Variants in SCAMP5 observed in about 807,000 individuals in gnomAD.
SCAMP5 encodes the protein secretory carrier membrane protein 5.
A neutral mutation model predicts 28.3 loss-of-function variants in SCAMP5; 7 were observed. The observed-to-expected ratio is 0.25, with a 90% confidence interval of 0.14 to 0.46. The LOEUF (loss-of-function observed/expected upper bound fraction) is 0.46, where lower values mean the gene tolerates loss of function less well. Among genes scored for constraint, SCAMP5 ranks in the 20% least tolerant of loss-of-function variants. The pLI, the probability that SCAMP5 is intolerant of heterozygous loss-of-function variation, is 0.99. For missense variants in SCAMP5, 192 were observed against 312.5 expected, an observed-to-expected ratio of 0.61 and a Z score of 2.91; for synonymous variants, 117 against 116.4, an observed-to-expected ratio of 1.00 and a Z score of -0.03.
At chr15:75,010,723 T>C (rs1169392201) in intron 1 of SCAMP5, among the ~76,000 whole-genome samples, 1 of 152,142 alleles carries the variant, frequency 6.6e-6, no homozygotes, top group African/African-American at 2.4e-5. Context: ...GGAGGATGGC[T>C]TGAGCCCAGG....
At chr15:75,008,306 CTATT>C (rs1217869577) in intron 1 of SCAMP5, among the ~76,000 whole-genome samples, 1 of 152,008 alleles carries the variant, frequency 6.6e-6, no homozygotes. Context: ...ATGTAGGTGA[CTATT>C]TCATTACTTT....
Position 75,018,368 on chromosome 15 carries a change from C to G in SCAMP5, c.396-50C>G, listed in dbSNP as rs2065876536. ...GGTCCCTTCCTCTAGCGGGGGGCTC[C>G]TGGGCACCTCTTATCCTGCCCGCAG... is the stretch of plus-strand genomic sequence containing the variant. On this transcript the variant is annotated intron_variant, in intron 5 of 6. Coordinates refer to ENST00000425597, the MANE Select transcript of SCAMP5 (RefSeq NM_138967.4). This position sits in a 1 kb window ranked among gnomAD's most constrained non-coding sequence, Gnocchi z 5.6. 3.4e-6 allele frequency: 4 copies of G among 1,175,358 alleles called. No homozygotes were observed. The East Asian group carries it at 9.3e-5, about 27-fold the overall frequency. 72.8% of individuals were successfully genotyped at this position (1,175,358 alleles called of 1,614,324 possible).
rs767733031 is a variant in SCAMP5 at position 75,018,871 on chromosome 15, A to G, written c.596A>G (p.His199Arg). 4 of 1,594,606 alleles carry G rather than the reference A, an allele frequency of 2.5e-6. No individual in the cohort carries two copies. The highest frequency in any genetic ancestry group is 2.6e-6 in the Non-Finnish European group (3 of 1,174,974). The change falls in exon 7 of 7, where the codon CAT (histidine) becomes CGT (arginine). Residue 199 changes from histidine (H) to arginine (R), a missense_variant. Coordinates refer to ENST00000425597, the MANE Select transcript of SCAMP5 (RefSeq NM_138967.4). The surrounding 1 kb of genome is among the most constrained non-coding windows in gnomAD (Gnocchi z 5.6). Reference sequence around the variant, plus strand: ...ACCACAGGGGCCTGGAAGAATCCACATGTGCAGCAGGCAGCCCAGAACGCA... The same window carrying G: ...ACCACAGGGGCCTGGAAGAATCCACGTGTGCAGCAGGCAGCCCAGAACGCA... ...EWTTGAWKNP[H>R]VQQAAQNAAM...
At chr15:75,008,702 A>G (rs1371409589) in intron 1 of SCAMP5, among the ~76,000 whole-genome samples, 2 of 151,964 alleles carry the variant, frequency 1.3e-5, no homozygotes, top group African/African-American at 4.8e-5. Context: ...GGGTTTCACC[A>G]TGTTGGCCAG....
At chr15:75,015,413 C>G (rs2065849377) in intron 3 of SCAMP5, among the ~76,000 whole-genome samples, 1 of 151,006 alleles carries the variant, frequency 6.6e-6, no homozygotes, top group Non-Finnish European at 1.5e-5. Context: ...GACTCAGTGA[C>G]ACTGTGCCTC....
intron 1 of SCAMP5, 100 bp from the exon 2 acceptor site, chr15:75,011,692 G>C (rs1337375883): frequency 5.3e-6 from 3 of 568,112 alleles, no homozygotes; most frequent in Admixed American, 2.7e-5. Context: ...TATGTGCTGG[G>C]TCCTGTCCTG....
rs917309582 is a variant in SCAMP5, at chr15:75,020,995, A to C, written c.*2012A>C. The C allele has an allele frequency of 1.4e-4, 22 of 152,436 alleles. No homozygotes were observed. The highest frequency in any genetic ancestry group is 4.6e-4 in the Admixed American group (7 of 15,256). The allele number at this position is 152,436 out of a possible 1,614,324, so 9.4% of individuals were successfully genotyped here. A position where few individuals can be genotyped will look rare whatever the true frequency, so the allele number is the denominator to read the frequency against. ...CCTTTCCCTTCCTCTCCCCTACCCCAGAACTTTGGCTCCCTTTCCCTTCTC... is the reference window on the plus strand; with the variant it reads ...CCTTTCCCTTCCTCTCCCCTACCCCCGAACTTTGGCTCCCTTTCCCTTCTC... On this transcript the variant is annotated 3_prime_UTR_variant, in exon 7 of 7. Transcript: ENST00000425597.
chr15:75,001,897 A>AAAAAAAAAAAAAAG (rs2065713039), intron 1 of SCAMP5, among the ~76,000 whole-genome samples: 1 of 147,886 alleles, frequency 6.8e-6, no homozygotes, highest in African/African-American at 2.5e-5. Context: ...AAAAAAAAAA[A>AAAAAAAAAAAAAAG]AGAGACTAAC....
chr15:74,999,695 G>A (rs572532169), intron 1 of SCAMP5, among the ~76,000 whole-genome samples: 6 of 152,216 alleles, frequency 3.9e-5, no homozygotes, highest in African/African-American at 1.2e-4. Flanking sequence ...CCAGCTACTC[G>A]GGAGGCTGAG....
rs112398588 is a variant in SCAMP5 at position 75,006,477 on chromosome 15, A to G, written c.-48-5315A>G. ...AGACTAGCCTGGCCAACATGGTGAA[A>G]CCCTGTCTCTACTAAAAATACAACA... On this transcript the variant is annotated intron_variant, in intron 1 of 6. Coordinates refer to ENST00000425597, the MANE Select transcript of SCAMP5 (RefSeq NM_138967.4). Among the ~76,000 whole-genome samples, 8 of 149,634 alleles carry G rather than the reference A, an allele frequency of 5.3e-5. 1 individual carries two copies. The highest frequency in any genetic ancestry group is 2.0e-4 in the African/African-American group (8 of 40,864).
chr15:75,005,460 CAAAAAAAA>C (rs762990882), intron 1 of SCAMP5, among the ~76,000 whole-genome samples: 2 of 97,876 alleles, frequency 2.0e-5, no homozygotes, highest in Non-Finnish European at 4.4e-5. Context: ...AACTCCGTTT[CAAAAAAAA>C]AAAAAAAAAT....
rs1397510429 is a variant in SCAMP5, at chr15:75,020,745, A to T, written c.*1762A>T. On this transcript the variant is annotated 3_prime_UTR_variant, in exon 7 of 7. Coordinates refer to ENST00000425597, the MANE Select transcript of SCAMP5 (RefSeq NM_138967.4). Reference sequence around the variant, plus strand: ...AAGCTTGCCTGAGCTGTTTGGACAAAAATCCAAACCCCACTTGGCTACTCT... The same window carrying T: ...AAGCTTGCCTGAGCTGTTTGGACAATAATCCAAACCCCACTTGGCTACTCT... 6.6e-6 allele frequency: 1 copy of T among 152,168 alleles called. No individual in the cohort carries two copies. The highest frequency in any genetic ancestry group is 2.4e-5 in the African/African-American group (1 of 41,430). The allele number at this position is 152,168 out of a possible 1,614,324, so 9.4% of individuals were successfully genotyped here. A position where few individuals can be genotyped will look rare whatever the true frequency, so the allele number is the denominator to read the frequency against.
At chr15:75,006,755 A>G (rs2065764035) in intron 1 of SCAMP5, among the ~76,000 whole-genome samples, 1 of 149,338 alleles carries the variant, frequency 6.7e-6, no homozygotes, top group Admixed American at 6.7e-5. Context: ...GGCCTGGGTG[A>G]CAGAGCGAGA....
Position 75,016,629 on chromosome 15 carries a change from G to C in SCAMP5, c.173G>C (p.Cys58Ser), listed in dbSNP as rs1274149519. 4 of 1,613,662 alleles carry C rather than the reference G, an allele frequency of 2.5e-6. No homozygotes were observed. The Admixed American group carries it at 6.7e-5, about 27-fold the overall frequency. Residue 58 changes from cysteine to serine, a missense_variant, in exon 4 of 7, where the codon TGT (cysteine) becomes TCT (serine). Physicochemically the swap from Cys to Ser is moderately radical, Grantham distance 112 (BLOSUM62 -1). Transcript: ENST00000425597. ...SVTLAVNLVGCLAWLIGGGGA... is the reference protein window; with the variant it reads ...SVTLAVNLVGSLAWLIGGGGA... ...ACGCTGGCCGTGAACCTGGTGGGCTGTCTCGCGTGGCTGATCGGAGGCGGG... is the reference window on the plus strand; with the variant it reads ...ACGCTGGCCGTGAACCTGGTGGGCTCTCTCGCGTGGCTGATCGGAGGCGGG...
chr15:75,000,636 G>A (rs560967095), intron 1 of SCAMP5, among the ~76,000 whole-genome samples: 3 of 150,946 alleles, frequency 2.0e-5, no homozygotes, highest in Admixed American at 6.6e-5. Flanking sequence ...CGCCCACCTC[G>A]GCCTCCCAGA....
At chr15:75,002,116 T>C (rs2065715508) in intron 1 of SCAMP5, among the ~76,000 whole-genome samples, 1 of 151,640 alleles carries the variant, frequency 6.6e-6, no homozygotes, top group South Asian at 2.1e-4. Context: ...AAATAAAAAA[T>C]AAAACAAAAT....
At chr15:75,006,717 G>A (rs1309082239) in intron 1 of SCAMP5, among the ~76,000 whole-genome samples, 1 of 151,380 alleles carries the variant, frequency 6.6e-6, no homozygotes, top group Non-Finnish European at 1.5e-5. Context: ...AGAGCTTGCA[G>A]TGAGCCGAGA....
At chr15:75,014,480 C>T (rs139059265) in intron 3 of SCAMP5, among the ~76,000 whole-genome samples, 321 of 152,286 alleles carry the variant, frequency 2.1e-3, no homozygotes, top group African/African-American at 7.4e-3. Context: ...CAAAGAAACC[C>T]GGCCCCTAAG....
intron 1 of SCAMP5, among the ~76,000 whole-genome samples, chr15:75,003,631 G>A (rs535851806): frequency 3.9e-5 from 6 of 152,128 alleles, no homozygotes; most frequent in South Asian, 2.1e-4. Context: ...GCAATGTAGC[G>A]AGACCTCGTC....
Sources: gnomAD v4.1 joint callset for allele counts (sites outside exome capture counted in the v4.1 genomes callset) on GRCh38, gnomAD v4.1.1 for gene constraint, Gnocchi (gnomAD v3.1) non-coding constraint, MANE v1.5 for transcripts, NCBI Gene and HGNC (gene_info 2026-07-23, HGNC 2026-07-21) for gene names.